The following SHISA9 variants were observed in gnomAD, a reference collection of about 807,000 sequenced individuals.
The protein encoded by SHISA9 is shisa family member 9, also known as protein shisa-9.
In SHISA9, 13 loss-of-function variants were observed where a neutral mutation model predicts 38.0. That is an observed-to-expected ratio of 0.34 (90% confidence interval 0.22 to 0.54). The LOEUF is 0.54. SHISA9 is among the 20% of genes least tolerant of loss of function. The pLI is 0.91. For missense variants in SHISA9, 538 were observed against 575.8 expected, an observed-to-expected ratio of 0.93 and a Z score of 0.67; for synonymous variants, 275 against 242.0, an observed-to-expected ratio of 1.14 and a Z score of -1.27.
the SHISA9 span, among the ~76,000 whole-genome samples, chr16:13,342,067 C>T: frequency 1.7e-4 from 26 of 152,324 alleles, no homozygotes; most frequent in African/African-American, 6.3e-4. Flanking sequence ...TACAGTCTCA[C>T]CACCACAACC....
chr16:13,347,667 G>A, the SHISA9 span, among the ~76,000 whole-genome samples: 1 of 152,034 alleles, frequency 6.6e-6, no homozygotes, highest in Admixed American at 6.6e-5. Flanking sequence ...AGTTTTTAGG[G>A]GCCCCTGATT....
At chr16:13,316,472 T>G in the SHISA9 span, among the ~76,000 whole-genome samples, 4 of 152,186 alleles carry the variant, frequency 2.6e-5, no homozygotes, top group Non-Finnish European at 5.9e-5. Flanking sequence ...GGGATCTACT[T>G]TGAGCCCACA....
chr16:12,933,861 G>C (rs939338792), intron 2 of SHISA9, among the ~76,000 whole-genome samples: 3 of 152,096 alleles, frequency 2.0e-5, no homozygotes, highest in African/African-American at 7.2e-5. Flanking sequence ...TATAGTGGGG[G>C]AAGACTGTTC....
intron 2 of SHISA9, among the ~76,000 whole-genome samples, chr16:13,070,923 A>C (rs976796051): frequency 2.0e-5 from 3 of 152,118 alleles, no homozygotes; most frequent in African/African-American, 7.2e-5. Flanking sequence ...GACCATGAGG[A>C]TAGATTAGAT....
intron 2 of SHISA9, among the ~76,000 whole-genome samples, chr16:13,060,509 C>T (rs1384858358): frequency 1.3e-5 from 2 of 151,904 alleles, no homozygotes; most frequent in Admixed American, 6.6e-5. Context: ...TGCTTGGGTA[C>T]AGCAAGCCTT....
At chr16:13,203,613 A>T (rs2051028722) in intron 3 of SHISA9, 64 bp downstream of exon 3, 1 of 1,378,084 alleles carries the variant, frequency 7.3e-7, no homozygotes, top group Admixed American at 3.3e-5. Context: ...TGCTTCTTGT[A>T]GATCTCTTTA....
At chr16:13,054,982 G>A (rs1439358659) in intron 2 of SHISA9, among the ~76,000 whole-genome samples, 3 of 152,130 alleles carry the variant, frequency 2.0e-5, no homozygotes, top group Admixed American at 2.0e-4. Context: ...GAGACCTTCA[G>A]TGACGTTTCC....
intron 2 of SHISA9, among the ~76,000 whole-genome samples, chr16:12,990,531 A>G (rs543444032): frequency 1.3e-5 from 2 of 152,328 alleles, no homozygotes; most frequent in African/African-American, 4.8e-5. Context: ...TTATTTAACC[A>G]TTTTATTATA....
At chr16:12,941,941 A>G (rs1364023806) in intron 2 of SHISA9, among the ~76,000 whole-genome samples, 1 of 152,190 alleles carries the variant, frequency 6.6e-6, no homozygotes, top group Non-Finnish European at 1.5e-5. Flanking sequence ...TTATCAAAGC[A>G]TCACCACTCC....
the SHISA9 span, among the ~76,000 whole-genome samples, chr16:13,461,962 C>T: frequency 6.6e-6 from 1 of 152,088 alleles, no homozygotes; most frequent in African/African-American, 2.4e-5. Flanking sequence ...TTCACCCATT[C>T]AATAAAGAAG....
At chr16:13,074,500 C>A (rs994984738) in intron 2 of SHISA9, among the ~76,000 whole-genome samples, 2 of 152,076 alleles carry the variant, frequency 1.3e-5, no homozygotes, top group Non-Finnish European at 2.9e-5. Context: ...GAGCATTTAG[C>A]CTTGAGGATA....
chr16:13,006,503 T>C (rs1438971430), intron 2 of SHISA9, among the ~76,000 whole-genome samples: 1 of 152,214 alleles, frequency 6.6e-6, no homozygotes, highest in African/African-American at 2.4e-5. Flanking sequence ...TCCAAGGACA[T>C]TGCAAGTCAC....
chr16:13,504,600 G>A, the SHISA9 span, among the ~76,000 whole-genome samples: 1 of 152,160 alleles, frequency 6.6e-6, no homozygotes, highest in African/African-American at 2.4e-5. Flanking sequence ...AGAGATCTTT[G>A]CCTAAGGGAG....
chr16:13,120,417 C>A (rs553318987), intron 2 of SHISA9, among the ~76,000 whole-genome samples: 1 of 152,298 alleles, frequency 6.6e-6, no homozygotes, highest in South Asian at 2.1e-4. Flanking sequence ...CCCCTGTGCA[C>A]CACCAGGCTG....
chr16:13,266,656 T>C, the SHISA9 span, among the ~76,000 whole-genome samples: 1 of 152,056 alleles, frequency 6.6e-6, no homozygotes, highest in Admixed American at 6.6e-5. Flanking sequence ...ACTTTTAAGA[T>C]GGAAAACTCT....
the SHISA9 span, among the ~76,000 whole-genome samples, chr16:13,295,118 C>G: frequency 1.3e-5 from 2 of 152,162 alleles, no homozygotes; most frequent in African/African-American, 4.8e-5. Flanking sequence ...AGATTTCATG[C>G]TCTTAATTGT....
rs1216710620 is a variant in SHISA9 at position 13,198,282 on chromosome 16, G to C, written c.692-5112G>C. On this transcript the variant is annotated intron_variant, in intron 2 of 4. Coordinates refer to ENST00000558583, the MANE Select transcript of SHISA9 (RefSeq NM_001145204.3). ...TGTGTATATGCATACATATATACTT[G>C]TGTGTATATGCATACATATATACTT... Among the ~76,000 whole-genome samples the C allele has an allele frequency of 1.4e-5, 2 of 146,672 alleles. 1 individual carries two copies. Among genetic ancestry groups the C allele is most frequent in the Non-Finnish European group, 3.0e-5 (2 of 66,106 alleles).
the SHISA9 span, among the ~76,000 whole-genome samples, chr16:13,367,278 G>A: frequency 6.7e-6 from 1 of 149,236 alleles, no homozygotes; most frequent in African/African-American, 2.5e-5. Context: ...TGCAGAGTTT[G>A]TTCTGTGGTC....
intron 2 of SHISA9, among the ~76,000 whole-genome samples, chr16:13,063,212 T>C (rs1038315382): frequency 2.6e-5 from 4 of 152,086 alleles, no homozygotes; most frequent in Non-Finnish European, 5.9e-5. Context: ...TTCACTGTGT[T>C]AGCCAGGATG....
Sources: allele counts gnomAD v4.1 joint callset (sites outside exome capture counted in the v4.1 genomes callset), GRCh38; gene constraint gnomAD v4.1.1; transcripts MANE v1.5; gene names NCBI Gene and HGNC (gene_info 2026-07-23, HGNC 2026-07-21).